Variants in YWHAG observed in about 807,000 individuals in gnomAD.
YWHAG encodes 14-3-3 protein gamma.
A neutral mutation model predicts 23.3 loss-of-function variants in YWHAG; 1 was observed. The ratio of observed to expected loss-of-function variants is 0.04; its 90% CI spans 0.02 to 0.20. The LOEUF (loss-of-function observed/expected upper bound fraction) is 0.20, where lower values mean the gene tolerates loss of function less well. Among genes scored for constraint, YWHAG ranks in the 10% least tolerant of loss-of-function variants. The pLI is 1.00. For synonymous variants in YWHAG, 160 were observed against 144.0 expected, an observed-to-expected ratio of 1.11 and a Z score of -0.80; for missense variants, 151 against 338.6, an observed-to-expected ratio of 0.45 and a Z score of 4.35.
intron 1 of YWHAG, among the ~76,000 whole-genome samples, chr7:76,335,470 C>A (rs991738231): frequency 3.3e-5 from 5 of 152,226 alleles, no homozygotes; most frequent in African/African-American, 4.8e-5. Flanking sequence ...CAAATCCCAG[C>A]TGCTAAGGAA....
chr7:76,355,669 G>T (rs889666410), intron 1 of YWHAG, among the ~76,000 whole-genome samples: 1 of 152,080 alleles, frequency 6.6e-6, no homozygotes, highest in African/African-American at 2.4e-5. Flanking sequence ...AAGATAGAAA[G>T]AATTTGAAAG....
chr7:76,329,241 G>A lies in YWHAG; in HGVS notation c.*336C>T. ...TGGAACCACAGAACTTACTGAATGAGGGCCATTCCTCTTTAAGTTTTCTTT... is the reference window on the plus strand; with the variant it reads ...TGGAACCACAGAACTTACTGAATGAAGGCCATTCCTCTTTAAGTTTTCTTT... On this transcript the variant is annotated 3_prime_UTR_variant, in exon 2 of 2. Transcript: ENST00000307630. The surrounding 1 kb of genome is among the most constrained non-coding windows in gnomAD (Gnocchi z 6.1). The A allele has an allele frequency of 4.0e-6, 1 of 248,846 alleles. No homozygotes were observed. The highest frequency in any genetic ancestry group is 7.2e-5 in the South Asian group (1 of 13,834). 15.4% of individuals were successfully genotyped at this position (248,846 alleles called of 1,614,324 possible). A position where few individuals can be genotyped will look rare whatever the true frequency, so the allele number is the denominator to read the frequency against.
At chr7:76,344,610 C>T (rs529731478) in intron 1 of YWHAG, among the ~76,000 whole-genome samples, 3 of 152,214 alleles carry the variant, frequency 2.0e-5, no homozygotes, top group Non-Finnish European at 4.4e-5. Flanking sequence ...CAGGTCTGAT[C>T]TTTGCTTCTA....
intron 1 of YWHAG, among the ~76,000 whole-genome samples, chr7:76,350,784 T>C (rs1803861218): frequency 6.6e-6 from 1 of 151,874 alleles, no homozygotes. Flanking sequence ...GCAGAGGTGG[T>C]AGTAAGCTGA....
intron 1 of YWHAG, among the ~76,000 whole-genome samples, chr7:76,339,542 A>G (rs1289429329): frequency 1.3e-5 from 2 of 152,120 alleles, no homozygotes; most frequent in Non-Finnish European, 2.9e-5. Context: ...AACAAAGGAT[A>G]CCTTTATACG....
At position 76,329,641 on chromosome 7, in the gene YWHAG, C is replaced by T; in HGVS notation, c.680G>A (p.Arg227His). ...KDSTLIMQLLRDNLTLWTSDQ... is the reference protein window; with the variant it reads ...KDSTLIMQLLHDNLTLWTSDQ... ...GCTCGTCCAGAGCGTGAGGTTGTCG[C>T]GGAGGAGCTGCATGATGAGCGTGGA... The change falls in exon 2 of 2, where the codon CGC (arginine) becomes CAC (histidine). Residue 227 changes from arginine to histidine, a missense_variant. Coordinates refer to ENST00000307630, the MANE Select transcript of YWHAG (RefSeq NM_012479.4). The surrounding 1 kb of genome is among the most constrained non-coding windows in gnomAD (Gnocchi z 6.1). The T allele has an allele frequency of 6.2e-7, 1 of 1,614,180 alleles. No homozygotes were observed. Among genetic ancestry groups the T allele is most frequent in the Non-Finnish European group, 8.5e-7 (1 of 1,180,018 alleles).
chr7:76,353,221 T>TC (rs1803900609), intron 1 of YWHAG, among the ~76,000 whole-genome samples: 1 of 152,188 alleles, frequency 6.6e-6, no homozygotes, highest in Non-Finnish European at 1.5e-5. Context: ...GAATTTTTTT[T>TC]CTTTTTTTCA....
chr7:76,332,996 G>A (rs1008541429), intron 1 of YWHAG, among the ~76,000 whole-genome samples: 1 of 151,316 alleles, frequency 6.6e-6, no homozygotes, highest in Non-Finnish European at 1.5e-5. Context: ...TTAGAGATGG[G>A]GTCTCACTAT....
chr7:76,356,915 T>C (rs969190756), intron 1 of YWHAG, among the ~76,000 whole-genome samples: 1 of 152,232 alleles, frequency 6.6e-6, no homozygotes, highest in Non-Finnish European at 1.5e-5. Context: ...CTTGGATAAA[T>C]GCCATTTGCA....
chr7:76,341,135 G>T (rs1356222158), intron 1 of YWHAG, among the ~76,000 whole-genome samples: 1 of 152,192 alleles, frequency 6.6e-6, no homozygotes, highest in African/African-American at 2.4e-5. Flanking sequence ...GCTCATGCCT[G>T]TAATCCCAGC....
Position 76,329,495 on chromosome 7 carries a change from C to G in YWHAG, c.*82G>C. ...GGAAGGTCATCCCTCCCTTTCCCTC[C>G]CCCACCCGACCCCCAACTCATGGGA... On this transcript the variant is annotated 3_prime_UTR_variant, in exon 2 of 2. Transcript: ENST00000307630. The surrounding 1 kb of genome is among the most constrained non-coding windows in gnomAD (Gnocchi z 6.1). 1 of 1,147,692 alleles carries G rather than the reference C, an allele frequency of 8.7e-7. No individual in the cohort carries two copies. Among genetic ancestry groups the G allele is most frequent in the Non-Finnish European group, 1.2e-6 (1 of 845,658 alleles). 71.1% of individuals were successfully genotyped at this position (1,147,692 alleles called of 1,614,324 possible). A position where few individuals can be genotyped will look rare whatever the true frequency, so the allele number is the denominator to read the frequency against.
In YWHAG at chr7:76,327,723, C is replaced by T. The variant is rs556589004; in HGVS notation, c.*1854G>A. Reference sequence around the variant, plus strand: ...TTCCTCCCATGGCAATGACTTTAGGCGCCTGTGAGAGGCACAAAAGCGGCA... The same window carrying T: ...TTCCTCCCATGGCAATGACTTTAGGTGCCTGTGAGAGGCACAAAAGCGGCA... On this transcript the variant is annotated 3_prime_UTR_variant, in exon 2 of 2. Coordinates refer to ENST00000307630, the MANE Select transcript of YWHAG (RefSeq NM_012479.4). The T allele has an allele frequency of 3.7e-5, 5 of 135,568 alleles. No homozygotes were observed. Among genetic ancestry groups the T allele is most frequent in the African/African-American group, 1.1e-4 (4 of 36,870 alleles). The allele number at this position is 135,568 out of a possible 1,614,324, so 8.4% of individuals were successfully genotyped here.
intron 1 of YWHAG, among the ~76,000 whole-genome samples, chr7:76,356,505 G>A (rs1264869562): frequency 6.6e-6 from 1 of 152,148 alleles, no homozygotes; most frequent in Non-Finnish European, 1.5e-5. Context: ...AACTGAAAAT[G>A]ACTCAGTAGG....
chr7:76,332,951 G>A (rs929335680), intron 1 of YWHAG, among the ~76,000 whole-genome samples: 5 of 150,252 alleles, frequency 3.3e-5, no homozygotes, highest in Non-Finnish European at 5.9e-5. Context: ...TGATCCACCC[G>A]CCTCAGTCTA....
chr7:76,356,232 G>C (rs10261052), intron 1 of YWHAG, among the ~76,000 whole-genome samples: 5,142 of 152,234 alleles, frequency 0.034, 160 homozygotes, highest in East Asian at 0.15. Context: ...TTCTTAGGTA[G>C]TTGCCATTTT....
At chr7:76,351,929 C>G (rs377559148) in intron 1 of YWHAG, among the ~76,000 whole-genome samples, 1 of 152,148 alleles carries the variant, frequency 6.6e-6, no homozygotes, top group Non-Finnish European at 1.5e-5. Context: ...TTCCATGAAA[C>G]GGGTCCCTGG....
chr7:76,358,944 A>C lies in YWHAG; in HGVS notation c.-136T>G, dbSNP rs983616396. The C allele has an allele frequency of 1.3e-6, 1 of 791,790 alleles. No individual in the cohort carries two copies. The highest frequency in any genetic ancestry group is 4.2e-5 in the Admixed American group (1 of 23,954). The allele number at this position is 791,790 out of a possible 1,614,324, so 49.0% of individuals were successfully genotyped here. A position where few individuals can be genotyped will look rare whatever the true frequency, so the allele number is the denominator to read the frequency against. On this transcript the variant is annotated 5_prime_UTR_variant, in exon 1 of 2. Coordinates refer to ENST00000307630, the MANE Select transcript of YWHAG (RefSeq NM_012479.4). ...AGCAGCTGAGGCGGCGGCTGCGCGG[A>C]GGAGGCGGCTGGAGCTGCGACCGCG...
chr7:76,334,014 G>C (rs894153556), intron 1 of YWHAG, among the ~76,000 whole-genome samples: 4 of 152,176 alleles, frequency 2.6e-5, no homozygotes, highest in Admixed American at 2.6e-4. Flanking sequence ...TTGGAACAAG[G>C]AGATTATGAA....
chr7:76,327,483 C>T lies in YWHAG; in HGVS notation c.*2094G>A, dbSNP rs1181699331. 6.6e-6 allele frequency: 1 copy of T among 152,570 alleles called. No homozygotes were observed. Among genetic ancestry groups the T allele is most frequent in the Non-Finnish European group, 1.5e-5 (1 of 68,028 alleles). The allele number at this position is 152,570 out of a possible 1,614,324, so 9.5% of individuals were successfully genotyped here. A position where few individuals can be genotyped will look rare whatever the true frequency, so the allele number is the denominator to read the frequency against. On this transcript the variant is annotated 3_prime_UTR_variant, in exon 2 of 2. Coordinates refer to ENST00000307630, the MANE Select transcript of YWHAG (RefSeq NM_012479.4). ...AAATATCAAGTCTCCCATTCCCTCT[C>T]CGTTTTCAGCCCTCAGGTGTGATTT...
Sources: gnomAD v4.1 joint callset for allele counts (sites outside exome capture counted in the v4.1 genomes callset) on GRCh38, gnomAD v4.1.1 for gene constraint, Gnocchi (gnomAD v3.1) non-coding constraint, MANE v1.5 for transcripts, NCBI Gene and HGNC (gene_info 2026-07-23, HGNC 2026-07-21) for gene names.